CLIC4: variants seen among roughly 807,000 people sequenced by gnomAD.
CLIC4 encodes the protein CLIC family member 4, also known as chloride intracellular channel protein 4.
Under a neutral mutation model 24.6 loss-of-function variants are expected in CLIC4, and 13 were observed. The observed-to-expected ratio is 0.53, with a 90% CI of 0.34 to 0.84. CLIC4 has a LOEUF of 0.84. CLIC4 is among the 40% of genes least tolerant of loss of function. CLIC4 has a pLI of 0.01. For synonymous variants in CLIC4, 104 were observed against 111.3 expected (o/e 0.93, Z 0.41); for missense variants, 227 against 301.7 (o/e 0.75, Z 1.83).
rs142149924 is a variant in CLIC4, at chr1:24,750,129, C to T, written c.72+4504C>T. On this transcript the variant is annotated intron_variant, in intron 1 of 5. Coordinates refer to ENST00000374379, the MANE Select transcript of CLIC4 (RefSeq NM_013943.3). ...GGCCTGGTGGCCCACGCCTGCAGCC[C>T]TAGCCCTAGAGGCTGCGGGTGGGAG... Among the ~76,000 whole-genome samples the T allele has an allele frequency of 2.4e-3, 372 of 152,224 alleles. 2 individuals are homozygous for T. The highest frequency in any genetic ancestry group is 8.4e-3 in the African/African-American group (347 of 41,552).
intron 1 of CLIC4, among the ~76,000 whole-genome samples, chr1:24,785,970 AAATC>A (rs1287913785): frequency 2.0e-5 from 3 of 152,118 alleles, no homozygotes; most frequent in Admixed American, 2.0e-4. Flanking sequence ...AAGTTAGTCT[AAATC>A]AAAGCAACCA....
intron 4 of CLIC4, among the ~76,000 whole-genome samples, chr1:24,837,155 T>TA (rs370986559): frequency 6.7e-6 from 1 of 150,350 alleles, no homozygotes; most frequent in Non-Finnish European, 1.5e-5. Context: ...GTCTAACAAA[T>TA]AAAAAAAATG....
At chr1:24,759,849 G>A (rs180815909) in intron 1 of CLIC4, among the ~76,000 whole-genome samples, 1 of 151,936 alleles carries the variant, frequency 6.6e-6, no homozygotes, top group Non-Finnish European at 1.5e-5. Context: ...AGTTGCTTGG[G>A]GGCTGAGGCA....
intron 4 of CLIC4, among the ~76,000 whole-genome samples, chr1:24,838,724 A>C (rs1168856958): frequency 6.6e-6 from 1 of 152,114 alleles, no homozygotes; most frequent in South Asian, 2.1e-4. Context: ...ATAATAGAAG[A>C]TCTGTCTGTT....
chr1:24,822,341 C>CTTTTTTTTTTTTTTTTTTTTTTTTTT (rs71032865), intron 3 of CLIC4, among the ~76,000 whole-genome samples: 2 of 75,464 alleles, frequency 2.7e-5, no homozygotes, highest in Non-Finnish European at 5.1e-5. Context: ...TCAGTGAATT[C>CTTTTTTTTTTTTTTTTTTTTTTTTTT]TTTTTTTTTT....
rs191436198 is a variant in CLIC4 at position 24,829,829 on chromosome 1, G to A, written c.415+2713G>A. Among the ~76,000 whole-genome samples, 393 of 152,288 alleles carry A rather than the reference G, an allele frequency of 2.6e-3. 7 individuals are homozygous for A. In the South Asian group the frequency reaches 0.041, roughly 16 times the overall value. On this transcript the variant is annotated intron_variant, in intron 4 of 5. Transcript: ENST00000374379. ...CTTTCTCTCTGGAAAAGTGTTGGAA[G>A]TCAGAGGATGGTTGTGCATTATTGT...
At chr1:24,784,995 C>G (rs1216409052) in intron 1 of CLIC4, among the ~76,000 whole-genome samples, 2 of 122,100 alleles carry the variant, frequency 1.6e-5, no homozygotes, top group Non-Finnish European at 3.3e-5. Context: ...CAGCGCGAGA[C>G]TCTGTCTCAA....
chr1:24,808,380 C>T (rs1639575389), intron 2 of CLIC4, among the ~76,000 whole-genome samples: 1 of 152,104 alleles, frequency 6.6e-6, no homozygotes, highest in Non-Finnish European at 1.5e-5. Context: ...CTCCCATATA[C>T]TTTAAATCAT....
chr1:24,841,678 A>G lies in CLIC4; in HGVS notation c.*741A>G, dbSNP rs1023180277. On this transcript the variant is annotated 3_prime_UTR_variant, in exon 6 of 6. Coordinates refer to ENST00000374379, the MANE Select transcript of CLIC4 (RefSeq NM_013943.3). ...CAAGCATTTTATCTTTAGAAGAGAA[A>G]CTGATGGGCACCTGATACTCTGTCT... 1.3e-5 allele frequency: 2 copies of G among 152,404 alleles called. No homozygotes were observed. The highest frequency in any genetic ancestry group is 2.9e-5 in the Non-Finnish European group (2 of 68,026). 9.4% of individuals were successfully genotyped at this position (152,404 alleles called of 1,614,324 possible).
chr1:24,782,171 T>C (rs1184135735), intron 1 of CLIC4, among the ~76,000 whole-genome samples: 2 of 152,216 alleles, frequency 1.3e-5, no homozygotes, highest in Non-Finnish European at 2.9e-5. Flanking sequence ...TCAAATGTAC[T>C]GTTATAAGCT....
At chr1:24,810,916 A>G (rs1189065518) in intron 2 of CLIC4, among the ~76,000 whole-genome samples, 2 of 151,836 alleles carry the variant, frequency 1.3e-5, no homozygotes, top group East Asian at 3.9e-4. Context: ...TGTCTCTACT[A>G]AAAAATACAT....
In CLIC4 at chr1:24,843,362, A is replaced by G. The variant is rs1639961885; in HGVS notation, c.*2425A>G. ...GGGACATAAAGTTTTCATGGTAGAC[A>G]GTTCATGCAGTATATGAATTGCCAT... On this transcript the variant is annotated 3_prime_UTR_variant, in exon 6 of 6. Transcript: ENST00000374379. 6.6e-6 allele frequency: 1 copy of G among 152,238 alleles called. No homozygotes were observed. Among genetic ancestry groups the G allele is most frequent in the Non-Finnish European group, 1.5e-5 (1 of 68,026 alleles). The allele number at this position is 152,238 out of a possible 1,614,324, so 9.4% of individuals were successfully genotyped here. A position where few individuals can be genotyped will look rare whatever the true frequency, so the allele number is the denominator to read the frequency against.
intron 4 of CLIC4, among the ~76,000 whole-genome samples, chr1:24,830,231 C>T (rs1419089694): frequency 6.6e-6 from 1 of 152,148 alleles, no homozygotes; most frequent in Non-Finnish European, 1.5e-5. Flanking sequence ...TACATGACCT[C>T]TTCAACAATT....
At chr1:24,819,926 A>G (rs1639708998) in intron 3 of CLIC4, among the ~76,000 whole-genome samples, 1 of 146,192 alleles carries the variant, frequency 6.8e-6, no homozygotes, top group Non-Finnish European at 1.5e-5. Context: ...TATTTTTAGT[A>G]GAGACAGGGT....
intron 1 of CLIC4, among the ~76,000 whole-genome samples, chr1:24,748,158 G>A (rs1358984694): frequency 6.6e-6 from 1 of 152,148 alleles, no homozygotes; most frequent in African/African-American, 2.4e-5. Context: ...AGTGATTAAT[G>A]CCCTGCTTAC....
chr1:24,829,821 T>C (rs186635479), intron 4 of CLIC4, among the ~76,000 whole-genome samples: 1 of 152,300 alleles, frequency 6.6e-6, no homozygotes, highest in East Asian at 1.9e-4. Flanking sequence ...TCTGGAAAAG[T>C]GTTGGAAGTC....
chr1:24,775,428 A>G (rs186302788), intron 1 of CLIC4, among the ~76,000 whole-genome samples: 1 of 150,908 alleles, frequency 6.6e-6, no homozygotes, highest in Non-Finnish European at 1.5e-5. Flanking sequence ...ATGTTTTAGT[A>G]TTTTCCCGTA....
chr1:24,763,174 G>A (rs1638948907), intron 1 of CLIC4, among the ~76,000 whole-genome samples: 1 of 152,014 alleles, frequency 6.6e-6, no homozygotes, highest in African/African-American at 2.4e-5. Context: ...TGAAGAACCA[G>A]CTAAGACAGG....
At chr1:24,821,333 A>C (rs1167712219) in intron 3 of CLIC4, among the ~76,000 whole-genome samples, 1 of 152,210 alleles carries the variant, frequency 6.6e-6, no homozygotes, top group Non-Finnish European at 1.5e-5. Context: ...ATAGCTTTAA[A>C]TTGGACCTTG....
Sources: allele counts gnomAD v4.1 joint callset (sites outside exome capture counted in the v4.1 genomes callset), GRCh38; gene constraint gnomAD v4.1.1; transcripts MANE v1.5; gene names NCBI Gene and HGNC (gene_info 2026-07-23, HGNC 2026-07-21).